Variants in CLIC5 observed in about 807,000 individuals in gnomAD.
The protein encoded by CLIC5 is chloride intracellular channel protein 5.
Under a neutral mutation model 24.7 loss-of-function variants are expected in CLIC5, and 20 were observed. That is an observed-to-expected ratio of 0.81 (90% confidence interval 0.57 to 1.18). CLIC5 has a LOEUF of 1.18. Ranked by LOEUF, CLIC5 falls within the 50% of genes most tolerant of loss-of-function variation. The pLI is 0.00. For synonymous variants in CLIC5, 159 were observed against 135.6 expected (o/e 1.17, Z -1.20); for missense variants, 341 against 326.1 (o/e 1.05, Z -0.35).
At chr6:46,017,212 C>G (rs1025219231), upstream of CLIC5, among the ~76,000 whole-genome samples, 3 of 152,162 alleles carry the variant, frequency 2.0e-5, no homozygotes, top group African/African-American at 7.2e-5. Flanking sequence ...GTGGAATTCT[C>G]TTTGTCTTCT....
downstream of CLIC5, among the ~76,000 whole-genome samples, chr6:45,897,348 A>C (rs1222299763): frequency 6.6e-6 from 1 of 152,210 alleles, no homozygotes; most frequent in African/African-American, 2.4e-5. Flanking sequence ...AGGATGGCCC[A>C]GACCATTTGT....
intron 1 of CLIC5, among the ~76,000 whole-genome samples, chr6:46,042,756 C>T (rs891499552): frequency 1.3e-5 from 2 of 152,156 alleles, no homozygotes; most frequent in Non-Finnish European, 2.9e-5. Context: ...TATTGAGTCT[C>T]GGTTCCTGTT....
intron 5 of CLIC5, chr6:45,913,818 C>A (rs193119588): frequency 8.1e-7 from 1 of 1,231,238 alleles, no homozygotes; most frequent in East Asian, 3.2e-5. Flanking sequence ...TGGGTCTGTG[C>A]ACAAAGAAAA....
At chr6:46,044,169 T>A (rs997238015) in intron 1 of CLIC5, among the ~76,000 whole-genome samples, 1 of 152,224 alleles carries the variant, frequency 6.6e-6, no homozygotes, top group African/African-American at 2.4e-5. Context: ...CAAAGGTTCT[T>A]TCCTTGGAAG....
intron 4 of CLIC5, among the ~76,000 whole-genome samples, chr6:45,921,043 C>G (rs949226438): frequency 6.6e-6 from 1 of 152,096 alleles, no homozygotes; most frequent in Non-Finnish European, 1.5e-5. Context: ...AGAAAGAGAA[C>G]AGTAGCCCAG....
chr6:46,024,528 C>T (rs1032815725), intron 1 of CLIC5, among the ~76,000 whole-genome samples: 1 of 152,160 alleles, frequency 6.6e-6, no homozygotes, highest in East Asian at 1.9e-4. Context: ...GAGAGTAAAG[C>T]CAACAGAGAG....
At chr6:45,966,177 C>T (rs997601643) in intron 1 of CLIC5, among the ~76,000 whole-genome samples, 24 of 152,164 alleles carry the variant, frequency 1.6e-4, no homozygotes, top group South Asian at 8.3e-4. Context: ...GCTTATGACA[C>T]TAAAATGAAA....
intron 1 of CLIC5, among the ~76,000 whole-genome samples, chr6:45,958,774 T>G (rs1764752420): frequency 6.6e-6 from 1 of 151,970 alleles, no homozygotes; most frequent in Admixed American, 6.6e-5. Flanking sequence ...CCTCAAAACA[T>G]AGTTGAAGTT....
intron 1 of CLIC5, among the ~76,000 whole-genome samples, chr6:45,992,561 G>A (rs1024074174): frequency 2.6e-5 from 4 of 152,280 alleles, no homozygotes; most frequent in East Asian, 3.9e-4. Flanking sequence ...ACTACATAGC[G>A]TGTGTTTATG....
In CLIC5 at chr6:46,057,672, C is replaced by T. The variant is rs529033533; in HGVS notation, c.540+22031G>A. 5.9e-5 allele frequency among the ~76,000 whole-genome samples: 9 copies of T among 152,286 alleles called. No homozygotes were observed. In the East Asian group the frequency reaches 7.7e-4, roughly 13 times the overall value. On this transcript the variant is annotated intron_variant, in intron 1 of 5. Coordinates refer to the CLIC5 transcript ENST00000185206. ...AGCAGGGTGCCAATTTGATTTCAAG[C>T]GACAGCCCTGCAGGCAACTGTCTTT...
At chr6:46,031,518 A>C (rs2127455814) in intron 1 of CLIC5, among the ~76,000 whole-genome samples, 1 of 152,282 alleles carries the variant, frequency 6.6e-6, no homozygotes, top group East Asian at 1.9e-4. Context: ...ATTTGTAATA[A>C]AAATTGTGGG....
At chr6:45,969,230 G>A (rs1440540665) in intron 1 of CLIC5, among the ~76,000 whole-genome samples, 3 of 152,102 alleles carry the variant, frequency 2.0e-5, no homozygotes, top group Non-Finnish European at 4.4e-5. Flanking sequence ...GAAAACACAG[G>A]CAGCTGGATC....
intron 1 of CLIC5, among the ~76,000 whole-genome samples, chr6:45,960,866 A>C (rs1252942132): frequency 6.6e-6 from 1 of 152,098 alleles, no homozygotes; most frequent in Non-Finnish European, 1.5e-5. Flanking sequence ...CAAACCAGTG[A>C]GTTTCTGTGC....
At chr6:45,963,736 T>C (rs1764927744) in intron 1 of CLIC5, among the ~76,000 whole-genome samples, 1 of 152,180 alleles carries the variant, frequency 6.6e-6, no homozygotes, top group Non-Finnish European at 1.5e-5. Flanking sequence ...CAAGTCTCCC[T>C]TGTTGGTTCC....
intron 4 of CLIC5, among the ~76,000 whole-genome samples, chr6:45,928,569 A>T (rs1412646018): frequency 6.6e-6 from 1 of 152,230 alleles, no homozygotes; most frequent in Non-Finnish European, 1.5e-5. Flanking sequence ...CCATGGACAC[A>T]CTATTGTACT....
chr6:46,084,154 T>G (rs534445289), upstream of CLIC5, among the ~76,000 whole-genome samples: 47 of 152,294 alleles, frequency 3.1e-4, no homozygotes, highest in South Asian at 8.9e-3. Flanking sequence ...CCTTTTATTT[T>G]GAGCCTATGT....
intron 3 of CLIC5, among the ~76,000 whole-genome samples, chr6:45,941,935 T>C (rs949469000): frequency 1.3e-5 from 2 of 152,160 alleles, no homozygotes; most frequent in African/African-American, 4.8e-5. Context: ...TGTGTCCTTT[T>C]CTTGGGACCA....
At chr6:45,917,144 C>T (rs1311871613) in intron 4 of CLIC5, among the ~76,000 whole-genome samples, 2 of 152,166 alleles carry the variant, frequency 1.3e-5, no homozygotes, top group Non-Finnish European at 2.9e-5. Flanking sequence ...TCATAAATCC[C>T]ACAAATGTCG....
upstream of CLIC5, among the ~76,000 whole-genome samples, chr6:46,081,928 GA>G (rs1157524427): frequency 1.3e-5 from 2 of 152,016 alleles, no homozygotes; most frequent in African/African-American, 4.8e-5. Flanking sequence ...GCTCCCAAAG[GA>G]GCCTTTTCAG....
Sources: gnomAD v4.1 joint callset for allele counts (sites outside exome capture counted in the v4.1 genomes callset) on GRCh38, gnomAD v4.1.1 for gene constraint, MANE v1.5 for transcripts, NCBI Gene and HGNC (gene_info 2026-07-23, HGNC 2026-07-21) for gene names.